PTPN14: variants seen among roughly 807,000 people sequenced by gnomAD.
The protein encoded by PTPN14 is tyrosine-protein phosphatase non-receptor type 14.
Under a neutral mutation model 126.8 loss-of-function variants are expected in PTPN14, and 53 were observed. The observed-to-expected ratio is 0.42, with a 90% CI of 0.34 to 0.53. PTPN14 has a LOEUF of 0.53. Among genes scored for constraint, PTPN14 ranks in the 20% least tolerant of loss-of-function variants. PTPN14 has a pLI of 0.08. For missense variants in PTPN14, 1,257 were observed against 1,552.9 expected, an observed-to-expected ratio of 0.81 and a Z score of 3.20; for synonymous variants, 630 against 599.3, an observed-to-expected ratio of 1.05 and a Z score of -0.75.
In PTPN14 at chr1:214,357,840, G is replaced by A. The variant is rs75290267; in HGVS notation, c.*82C>T. The A allele has an allele frequency of 7.5e-7, 1 of 1,325,624 alleles. No homozygotes were observed. The highest frequency in any genetic ancestry group is 1.1e-6 in the Non-Finnish European group (1 of 938,438). 82.1% of individuals were successfully genotyped at this position (1,325,624 alleles called of 1,614,324 possible). A position where few individuals can be genotyped will look rare whatever the true frequency, so the allele number is the denominator to read the frequency against. ...GCTGCCAGCCACCTGCACCCCTGTG[G>A]GGGGAGCAGATGTTGTCTGGAGGTG... On this transcript the variant is annotated 3_prime_UTR_variant, in exon 19 of 19. Transcript: ENST00000366956.
Position 214,480,618 on chromosome 1 carries a change from C to T in PTPN14, c.-154-15661G>A, listed in dbSNP as rs77304654. Among the ~76,000 whole-genome samples, 1,280 of 152,268 alleles carry T rather than the reference C, an allele frequency of 8.4e-3. 20 individuals carry two copies. The highest frequency in any genetic ancestry group is 0.029 in the African/African-American group (1,224 of 41,550). On this transcript the variant is annotated intron_variant, in intron 1 of 18. Coordinates refer to ENST00000366956, the MANE Select transcript of PTPN14 (RefSeq NM_005401.5). Reference sequence around the variant, plus strand: ...TCAACCATCAAAAATATCAACAATCCTATCTCTCAATAGCTACAGTGCCAT... The same window carrying T: ...TCAACCATCAAAAATATCAACAATCTTATCTCTCAATAGCTACAGTGCCAT...
intron 13 of PTPN14, among the ~76,000 whole-genome samples, chr1:214,380,457 G>A (rs941613583): frequency 7.9e-5 from 12 of 152,014 alleles, no homozygotes; most frequent in African/African-American, 2.2e-4. Flanking sequence ...GTGATCAGAG[G>A]GCCTTTTCTT....
chr1:214,521,248 T>A (rs1322637345), intron 1 of PTPN14, among the ~76,000 whole-genome samples: 1 of 152,234 alleles, frequency 6.6e-6, no homozygotes, highest in Non-Finnish European at 1.5e-5. Flanking sequence ...TATGCTGTTT[T>A]CACAAAGTAC....
At chr1:214,464,568 T>G in intron 2 of PTPN14, 62 bp downstream of exon 2, 8 of 1,572,976 alleles carry the variant, frequency 5.1e-6, no homozygotes, top group Non-Finnish European at 6.1e-6. Flanking sequence ...TTCGGTGAGT[T>G]CTCCTTCACA....
intron 3 of PTPN14, among the ~76,000 whole-genome samples, chr1:214,420,196 A>G (rs1333646357): frequency 6.6e-6 from 1 of 152,250 alleles, no homozygotes; most frequent in Non-Finnish European, 1.5e-5. Flanking sequence ...AGCTACAACT[A>G]AAACTCTAGC....
At chr1:214,359,636 C>T (rs1368755668) in intron 18 of PTPN14, among the ~76,000 whole-genome samples, 1 of 152,070 alleles carries the variant, frequency 6.6e-6, no homozygotes, top group Non-Finnish European at 1.5e-5. Flanking sequence ...CCTCCCACTT[C>T]AGCCTCCTGA....
At chr1:214,395,962 G>A (rs191904223) in intron 8 of PTPN14, among the ~76,000 whole-genome samples, 53 of 151,884 alleles carry the variant, frequency 3.5e-4, no homozygotes, top group African/African-American at 1.1e-3. Flanking sequence ...GTCCCCTACC[G>A]GTCACCACAT....
At position 214,355,301 on chromosome 1, in the gene PTPN14, A is replaced by G. The variant is rs574485848; in HGVS notation, c.*2621T>C. ...CGCACCAGATCTATATGCTGTCCAC[A>G]TGAGACATATTCTAACAGTGCCCAC... On this transcript the variant is annotated 3_prime_UTR_variant, in exon 19 of 19. Transcript: ENST00000366956. 6 of 152,362 alleles carry G rather than the reference A, an allele frequency of 3.9e-5. No homozygotes were observed. Among genetic ancestry groups the G allele is most frequent in the Admixed American group, 3.9e-4 (6 of 15,310 alleles). The allele number at this position is 152,362 out of a possible 1,614,324, so 9.4% of individuals were successfully genotyped here. A position where few individuals can be genotyped will look rare whatever the true frequency, so the allele number is the denominator to read the frequency against.
chr1:214,421,997 T>C (rs1222076511), intron 3 of PTPN14, among the ~76,000 whole-genome samples: 3 of 152,176 alleles, frequency 2.0e-5, no homozygotes, highest in Non-Finnish European at 4.4e-5. Flanking sequence ...TCGTGATCAG[T>C]ACCTGGCACT....
Position 214,352,040 on chromosome 1 carries a change from T to C in PTPN14, c.*5882A>G, listed in dbSNP as rs924010184. ...AAGGAGCAATGACTTTCCACACAAA[T>C]GCTTGTCATATTCAGGCTGCCCAGT... On this transcript the variant is annotated 3_prime_UTR_variant, in exon 19 of 19. Transcript: ENST00000366956. 2 of 152,174 alleles carry C rather than the reference T, an allele frequency of 1.3e-5. No individual in the cohort carries two copies. Among genetic ancestry groups the C allele is most frequent in the Admixed American group, 6.5e-5 (1 of 15,272 alleles). 9.4% of individuals were successfully genotyped at this position (152,174 alleles called of 1,614,324 possible). A position where few individuals can be genotyped will look rare whatever the true frequency, so the allele number is the denominator to read the frequency against.
chr1:214,493,356 C>T (rs1168572246), intron 1 of PTPN14, among the ~76,000 whole-genome samples: 3 of 152,136 alleles, frequency 2.0e-5, no homozygotes, highest in African/African-American at 4.8e-5. Context: ...TGTTCCTCCA[C>T]GGTGGTTGTA....
chr1:214,511,516 TAAC>T (rs921026188), intron 1 of PTPN14, among the ~76,000 whole-genome samples: 13 of 149,688 alleles, frequency 8.7e-5, no homozygotes, highest in African/African-American at 3.2e-4. Flanking sequence ...GAAAAGAAAA[TAAC>T]AAGTGTTGGC....
At chr1:214,452,360 C>T (rs139620240) in intron 2 of PTPN14, among the ~76,000 whole-genome samples, 30 of 152,320 alleles carry the variant, frequency 2.0e-4, no homozygotes, top group African/African-American at 7.0e-4. Context: ...AGACCAACAC[C>T]GCTCCTGCAC....
chr1:214,460,756 T>C (rs1660493096), intron 2 of PTPN14, among the ~76,000 whole-genome samples: 1 of 152,192 alleles, frequency 6.6e-6, no homozygotes, highest in Admixed American at 6.5e-5. Context: ...CTCTAAACTC[T>C]AGGAGCAAAG....
intron 7 of PTPN14, 66 bp from the exon 8 acceptor site, chr1:214,398,067 T>C: frequency 7.6e-7 from 1 of 1,320,054 alleles, no homozygotes; most frequent in Non-Finnish European, 1.1e-6. Flanking sequence ...TCACAATAGC[T>C]AAGATATGGA....
chr1:214,480,120 A>C (rs1178206609), intron 1 of PTPN14, among the ~76,000 whole-genome samples: 2 of 152,184 alleles, frequency 1.3e-5, no homozygotes, highest in East Asian at 3.8e-4. Flanking sequence ...GCTATTTTTC[A>C]AAAAGAGTTC....
chr1:214,518,632 C>A (rs1408786179), intron 1 of PTPN14, among the ~76,000 whole-genome samples: 1 of 152,102 alleles, frequency 6.6e-6, no homozygotes, highest in East Asian at 1.9e-4. Flanking sequence ...GGACTGAAAC[C>A]ATTTAAAATC....
At chr1:214,439,448 A>G (rs1659989938) in intron 3 of PTPN14, among the ~76,000 whole-genome samples, 1 of 152,196 alleles carries the variant, frequency 6.6e-6, no homozygotes, top group Admixed American at 6.5e-5. Flanking sequence ...CTACTAAAGG[A>G]CCATGTGTCT....
In PTPN14 at chr1:214,354,181, T is replaced by C. The variant is rs538799299; in HGVS notation, c.*3741A>G. ...GGGCCAGAGATGGCCAAGTGACTCT[T>C]AGGAAAACAATGACAGTTTAGCTAT... On this transcript the variant is annotated 3_prime_UTR_variant, in exon 19 of 19. Coordinates refer to ENST00000366956, the MANE Select transcript of PTPN14 (RefSeq NM_005401.5). 6.6e-6 allele frequency: 1 copy of C among 152,336 alleles called. No individual in the cohort carries two copies. Among genetic ancestry groups the C allele is most frequent in the African/African-American group, 2.4e-5 (1 of 41,582 alleles). 9.4% of individuals were successfully genotyped at this position (152,336 alleles called of 1,614,324 possible). A position where few individuals can be genotyped will look rare whatever the true frequency, so the allele number is the denominator to read the frequency against.
Sources: gnomAD v4.1 joint callset for allele counts (sites outside exome capture counted in the v4.1 genomes callset) on GRCh38, gnomAD v4.1.1 for gene constraint, MANE v1.5 for transcripts, NCBI Gene and HGNC (gene_info 2026-07-23, HGNC 2026-07-21) for gene names.